The following RANBP9 variants were observed in gnomAD, a reference collection of about 807,000 sequenced individuals.
RANBP9 encodes the protein ran-binding protein 9.
A neutral mutation model predicts 84.3 loss-of-function variants in RANBP9; 15 were observed. The ratio of observed to expected loss-of-function variants is 0.18; its 90% confidence interval spans 0.12 to 0.27. The LOEUF is 0.27. Among genes scored for constraint, RANBP9 ranks in the 10% least tolerant of loss-of-function variants. The pLI, the probability that RANBP9 is intolerant of heterozygous loss-of-function variation, is 1.00. For missense variants in RANBP9, 809 were observed against 912.8 expected (o/e 0.89, Z 1.46); for synonymous variants, 392 against 349.6 (o/e 1.12, Z -1.35).
chr6:13,629,038 T>G (rs547549687), intron 12 of RANBP9, among the ~76,000 whole-genome samples: 15 of 152,316 alleles, frequency 9.8e-5, no homozygotes, highest in African/African-American at 3.4e-4. Context: ...GCATCTGACA[T>G]AAAAGCAAAT....
chr6:13,678,467 C>T (rs916646693), intron 2 of RANBP9, among the ~76,000 whole-genome samples: 1 of 152,222 alleles, frequency 6.6e-6, no homozygotes, highest in Non-Finnish European at 1.5e-5. Flanking sequence ...GCATGTCTTC[C>T]ATATACAAAC....
chr6:13,637,441 A>G (rs1387491905), intron 10 of RANBP9, among the ~76,000 whole-genome samples: 1 of 152,260 alleles, frequency 6.6e-6, no homozygotes, highest in Non-Finnish European at 1.5e-5. Flanking sequence ...GTCACCGTTC[A>G]AGGTTAAATA....
At chr6:13,632,272 C>T (rs1260254573) in intron 12 of RANBP9, 98 bp downstream of exon 12, 6 of 1,272,960 alleles carry the variant, frequency 4.7e-6, no homozygotes, top group Admixed American at 4.7e-5. Flanking sequence ...GGTCCCAGTT[C>T]CCTAACAAGA....
Position 13,711,005 on chromosome 6 carries a change from C to G in RANBP9, c.501G>C (p.Arg167=). 1 of 1,608,074 alleles carries G rather than the reference C, an allele frequency of 6.2e-7. No individual in the cohort carries two copies. The highest frequency in any genetic ancestry group is 8.5e-7 in the Non-Finnish European group (1 of 1,177,672). ...TGAACTTGTCCTTCGGGCTCCAGGACCGAGGCAGCGGCGTCTCTTGTTCGT... is the reference window on the plus strand; with the variant it reads ...TGAACTTGTCCTTCGGGCTCCAGGAGCGAGGCAGCGGCGTCTCTTGTTCGT... ...AVDEQETPLP[R]SWSPKDKFSY... is the part of the protein sequence containing the mutation. The change falls in exon 1 of 14, where the codon CGG becomes CGC. Residue 167 remains arginine (R), a synonymous_variant. Transcript: ENST00000011619.
intron 2 of RANBP9, among the ~76,000 whole-genome samples, chr6:13,688,475 A>G (rs890425454): frequency 2.6e-5 from 4 of 152,112 alleles, no homozygotes; most frequent in African/African-American, 4.8e-5. Flanking sequence ...TATGTCTACT[A>G]CTGTGTATCT....
intron 2 of RANBP9, among the ~76,000 whole-genome samples, chr6:13,686,905 T>C (rs1766203521): frequency 6.6e-6 from 1 of 152,176 alleles, no homozygotes; most frequent in African/African-American, 2.4e-5. Context: ...GACAAACCAG[T>C]GGAGACTTAG....
chr6:13,634,504 T>G lies in RANBP9; in HGVS notation c.1722A>C (p.Glu574Asp), dbSNP rs1562298280. Residue 574 changes from glutamate to aspartate, a missense_variant, in exon 11 of 14, where the codon GAA (glutamate) becomes GAC (aspartate). Transcript: ENST00000011619. ...ETDHYSNGVG[E>D]TSSNGFLNGS... ...CATTTAGGAAACCATTGGATGAAGT[T>G]TCTCCAACTCCATTGGAGTAGTGAT... 3.1e-6 allele frequency: 5 copies of G among 1,613,612 alleles called. No individual in the cohort carries two copies. Among genetic ancestry groups the G allele is most frequent in the Non-Finnish European group, 4.2e-6 (5 of 1,179,622 alleles).
At chr6:13,654,014 T>C (rs1451499003) in intron 4 of RANBP9, among the ~76,000 whole-genome samples, 1 of 152,098 alleles carries the variant, frequency 6.6e-6, no homozygotes, top group Non-Finnish European at 1.5e-5. Flanking sequence ...ATTTCTAATA[T>C]TTTTCATAAA....
chr6:13,685,550 T>A (rs922409878), intron 2 of RANBP9, among the ~76,000 whole-genome samples: 3 of 152,104 alleles, frequency 2.0e-5, no homozygotes, highest in Admixed American at 2.0e-4. Context: ...GCCACTGCAC[T>A]ACAGCCTGGG....
At chr6:13,634,620 T>A in intron 10 of RANBP9, 68 bp from the exon 11 acceptor site, 1 of 1,398,378 alleles carries the variant, frequency 7.2e-7, no homozygotes, top group Non-Finnish European at 9.8e-7. Context: ...AATAAATCAC[T>A]ACTGAACTAC....
intron 1 of RANBP9, among the ~76,000 whole-genome samples, chr6:13,703,083 G>A (rs573198563): frequency 8.9e-4 from 136 of 152,282 alleles, no homozygotes; most frequent in African/African-American, 3.1e-3. Flanking sequence ...CATGATCACC[G>A]CTGGCTACAG....
At chr6:13,650,493 A>G (rs1765271954) in intron 5 of RANBP9, among the ~76,000 whole-genome samples, 1 of 152,158 alleles carries the variant, frequency 6.6e-6, no homozygotes, top group African/African-American at 2.4e-5. Flanking sequence ...ACACCTTACT[A>G]TGGTCAGGCA....
chr6:13,636,646 C>T (rs1479050569), intron 10 of RANBP9, among the ~76,000 whole-genome samples: 2 of 152,226 alleles, frequency 1.3e-5, no homozygotes, highest in African/African-American at 2.4e-5. Flanking sequence ...TAACTTTTTA[C>T]ATTTCCATCT....
chr6:13,658,841 G>A lies in RANBP9; in HGVS notation c.684-9C>T, dbSNP rs769543384. Reference sequence around the variant, plus strand: ...GACCAATTCCCATGTAACTGTTGGCGGAGGTTGGGGGAGAGAAGAAAAGGA... The same window carrying A: ...GACCAATTCCCATGTAACTGTTGGCAGAGGTTGGGGGAGAGAAGAAAAGGA... On this transcript the variant is annotated splice_polypyrimidine_tract_variant and intron_variant, in intron 2 of 13. Coordinates refer to ENST00000011619, the MANE Select transcript of RANBP9 (RefSeq NM_005493.3). 36 of 1,559,458 alleles carry A rather than the reference G, an allele frequency of 2.3e-5. No homozygotes were observed. In the South Asian group the frequency reaches 3.1e-4, roughly 13 times the overall value.
At chr6:13,665,307 A>G (rs1003867255) in intron 2 of RANBP9, among the ~76,000 whole-genome samples, 5 of 152,274 alleles carry the variant, frequency 3.3e-5, no homozygotes, top group South Asian at 2.1e-4. Context: ...AGATGATCCA[A>G]TTTTCAAAAA....
intron 3 of RANBP9, 75 bp from the exon 4 acceptor site, chr6:13,657,351 G>A (rs1303372229): frequency 7.8e-7 from 1 of 1,275,736 alleles, no homozygotes; most frequent in Non-Finnish European, 1.1e-6. Flanking sequence ...CTAAGATTAT[G>A]ATAAATCAGA....
At chr6:13,638,422 A>C (rs551240756) in intron 9 of RANBP9, among the ~76,000 whole-genome samples, 2 of 152,318 alleles carry the variant, frequency 1.3e-5, no homozygotes, top group Non-Finnish European at 2.9e-5. Flanking sequence ...GTGTTACTTC[A>C]TGAAAGGAAA....
intron 1 of RANBP9, among the ~76,000 whole-genome samples, chr6:13,698,645 TAGTTA>T (rs1757897196): frequency 6.6e-6 from 1 of 152,220 alleles, no homozygotes. Context: ...TAACAAATAA[TAGTTA>T]CATATATTTA....
In RANBP9 at chr6:13,634,501, A is replaced by C. The variant is rs887882311; in HGVS notation, c.1725T>G (p.Thr575=). 1.2e-6 allele frequency: 2 copies of C among 1,613,568 alleles called. No homozygotes were observed. The highest frequency in any genetic ancestry group is 1.7e-6 in the Non-Finnish European group (2 of 1,179,608). Residue 575 remains threonine (T), a synonymous_variant, in exon 11 of 14, where the codon ACT becomes ACG. Transcript: ENST00000011619. ...TACCATTTAGGAAACCATTGGATGA[A>C]GTTTCTCCAACTCCATTGGAGTAGT... The part of the protein sequence containing the change: ...TDHYSNGVGE[T]SSNGFLNGSS...
Sources: allele counts gnomAD v4.1 joint callset (sites outside exome capture counted in the v4.1 genomes callset), GRCh38; gene constraint gnomAD v4.1.1; transcripts MANE v1.5; gene names NCBI Gene and HGNC (gene_info 2026-07-23, HGNC 2026-07-21).